NDUFAF2: variants seen among roughly 807,000 people sequenced by gnomAD.
NDUFAF2 encodes the protein NADH:ubiquinone oxidoreductase complex assembly factor 2, also known as NADH dehydrogenase [ubiquinone] 1 alpha subcomplex assembly factor 2.
NDUFAF2 carries 13 observed loss-of-function variants against 22.8 expected under a neutral mutation model. That is an observed-to-expected ratio of 0.57 (90% CI 0.37 to 0.91). NDUFAF2 has a LOEUF of 0.91. Ranked by LOEUF, NDUFAF2 falls within the 40% of genes least tolerant of loss-of-function variation. The pLI, the probability that NDUFAF2 is intolerant of heterozygous loss-of-function variation, is 0.01. For missense variants in NDUFAF2, 162 were observed against 195.2 expected (o/e 0.83, Z 1.01); for synonymous variants, 53 against 64.2 (o/e 0.83, Z 0.84).
chr5:61,040,231 T>C (rs1296953765), intron 1 of NDUFAF2, among the ~76,000 whole-genome samples: 3 of 149,868 alleles, frequency 2.0e-5, no homozygotes, highest in African/African-American at 7.3e-5. Context: ...ATGACTGGTA[T>C]CTTTATAGGA....
At chr5:61,000,171 A>G (rs536125238) in intron 1 of NDUFAF2, among the ~76,000 whole-genome samples, 62 of 152,226 alleles carry the variant, frequency 4.1e-4, no homozygotes, top group African/African-American at 1.5e-3. Flanking sequence ...AAATGTACTA[A>G]TCATCTGCCC....
intron 1 of NDUFAF2, among the ~76,000 whole-genome samples, chr5:61,002,634 G>C (rs970019516): frequency 1.3e-5 from 2 of 152,064 alleles, no homozygotes; most frequent in Non-Finnish European, 2.9e-5. Flanking sequence ...CTAAAACATT[G>C]TGCAGATGTA....
intron 1 of NDUFAF2, among the ~76,000 whole-genome samples, chr5:61,043,849 A>G (rs548805996): frequency 6.6e-6 from 1 of 152,144 alleles, no homozygotes; most frequent in Non-Finnish European, 1.5e-5. Flanking sequence ...CACTGATTTC[A>G]TGTCCTTTGG....
At chr5:61,038,507 G>T (rs1201465657) in intron 1 of NDUFAF2, among the ~76,000 whole-genome samples, 1 of 151,998 alleles carries the variant, frequency 6.6e-6, no homozygotes, top group Non-Finnish European at 1.5e-5. Flanking sequence ...CCCAGAAAAA[G>T]AATTTTGGCA....
At chr5:61,004,832 C>T (rs1751344509) in intron 1 of NDUFAF2, among the ~76,000 whole-genome samples, 2 of 152,028 alleles carry the variant, frequency 1.3e-5, no homozygotes, top group South Asian at 4.1e-4. Flanking sequence ...CATTTAAGCC[C>T]CTAGAACTCT....
chr5:61,032,382 A>G (rs142058265), intron 1 of NDUFAF2, among the ~76,000 whole-genome samples: 1,959 of 152,202 alleles, frequency 0.013, 22 homozygotes, highest in Non-Finnish European at 0.017. Context: ...AGTCTAATCC[A>G]TCTTGAGTTA....
chr5:61,059,535 G>A (rs1752138620), intron 1 of NDUFAF2, among the ~76,000 whole-genome samples: 2 of 152,026 alleles, frequency 1.3e-5, no homozygotes, highest in Admixed American at 1.3e-4. Flanking sequence ...TTGTTCTGCT[G>A]TCTTTCTGGG....
intron 3 of NDUFAF2, among the ~76,000 whole-genome samples, chr5:61,122,123 G>A (rs747876602): frequency 3.3e-5 from 5 of 152,052 alleles, no homozygotes; most frequent in Non-Finnish European, 5.9e-5. Flanking sequence ...GAGCCACTGC[G>A]CCCGGCCTGA....
chr5:61,095,377 C>A (rs756812284), intron 2 of NDUFAF2, among the ~76,000 whole-genome samples: 31 of 152,212 alleles, frequency 2.0e-4, no homozygotes, highest in Non-Finnish European at 4.6e-4. Context: ...TTCCCTCCCC[C>A]AAGGAACTCT....
chr5:61,100,164 G>A (rs981917983), intron 3 of NDUFAF2, among the ~76,000 whole-genome samples: 2 of 152,116 alleles, frequency 1.3e-5, no homozygotes, highest in Admixed American at 1.3e-4. Flanking sequence ...GGATTCAGAA[G>A]TATGCCCAGT....
intron 1 of NDUFAF2, among the ~76,000 whole-genome samples, chr5:61,019,246 G>C (rs1265579460): frequency 6.6e-6 from 1 of 152,062 alleles, no homozygotes; most frequent in African/African-American, 2.4e-5. Flanking sequence ...GTATTATGGG[G>C]ATAACAATAG....
intron 1 of NDUFAF2, among the ~76,000 whole-genome samples, chr5:61,071,169 T>C (rs1353030877): frequency 2.6e-5 from 4 of 152,214 alleles, no homozygotes; most frequent in African/African-American, 4.8e-5. Context: ...GTCATTGTTA[T>C]ATGCTCCTTG....
At chr5:61,064,805 A>G (rs1423363093) in intron 1 of NDUFAF2, among the ~76,000 whole-genome samples, 11 of 152,032 alleles carry the variant, frequency 7.2e-5, no homozygotes, top group Non-Finnish European at 1.6e-4. Flanking sequence ...ATTGTCTAAC[A>G]TTACACCTCA....
At chr5:61,058,745 T>A (rs1243564523) in intron 1 of NDUFAF2, among the ~76,000 whole-genome samples, 3 of 152,030 alleles carry the variant, frequency 2.0e-5, no homozygotes, top group Non-Finnish European at 4.4e-5. Flanking sequence ...TCATACATTG[T>A]AGACAATTTA....
intron 3 of NDUFAF2, among the ~76,000 whole-genome samples, chr5:61,111,678 G>A (rs1055436429): frequency 4.6e-5 from 7 of 151,648 alleles, no homozygotes; most frequent in African/African-American, 1.2e-4. Flanking sequence ...GAGTGCAGGG[G>A]CATGATCTCA....
intron 3 of NDUFAF2, among the ~76,000 whole-genome samples, chr5:61,148,014 C>T (rs539418152): frequency 1.4e-4 from 21 of 152,248 alleles, no homozygotes; most frequent in African/African-American, 4.1e-4. Context: ...GGAGTTTCAC[C>T]GCGCACATGG....
chr5:61,097,055 T>C (rs1054437714), intron 2 of NDUFAF2, among the ~76,000 whole-genome samples: 1 of 152,076 alleles, frequency 6.6e-6, no homozygotes, highest in Non-Finnish European at 1.5e-5. Flanking sequence ...TGGAACTGTA[T>C]TGGAGATACA....
In NDUFAF2 at chr5:61,107,551, T is replaced by C. The variant is rs541994804; in HGVS notation, c.258+8519T>C. On this transcript the variant is annotated intron_variant, in intron 3 of 3. Coordinates refer to ENST00000296597, the MANE Select transcript of NDUFAF2 (RefSeq NM_174889.5). ...TTCTGTGAGTTGTCTCTTCACCTTGTTGATTGTTACTTTTGCTATACAGAA... is the reference window on the plus strand; with the variant it reads ...TTCTGTGAGTTGTCTCTTCACCTTGCTGATTGTTACTTTTGCTATACAGAA... Among the ~76,000 whole-genome samples, 42 of 151,478 alleles carry C rather than the reference T, an allele frequency of 2.8e-4. No individual in the cohort carries two copies. The South Asian group carries it at 4.1e-3, about 15-fold the overall frequency.
intron 1 of NDUFAF2, among the ~76,000 whole-genome samples, chr5:61,042,818 T>C (rs934110029): frequency 2.0e-5 from 3 of 152,160 alleles, no homozygotes; most frequent in African/African-American, 2.4e-5. Flanking sequence ...TACAAAAACA[T>C]GGGGAAACCT....
Sources: allele counts gnomAD v4.1 joint callset (sites outside exome capture counted in the v4.1 genomes callset), GRCh38; gene constraint gnomAD v4.1.1; transcripts MANE v1.5; gene names NCBI Gene and HGNC (gene_info 2026-07-23, HGNC 2026-07-21).